Variants in ADGRL2 observed in about 807,000 individuals in gnomAD.
The protein encoded by ADGRL2 is adhesion G protein-coupled receptor L2.
ADGRL2 carries 44 observed loss-of-function variants against 157.4 expected under a neutral mutation model. The observed-to-expected ratio is 0.28, with a 90% confidence interval of 0.22 to 0.36. ADGRL2 has a LOEUF of 0.36. Ranked by LOEUF, ADGRL2 falls within the 10% of genes least tolerant of loss-of-function variation. The probability of loss-of-function intolerance (pLI) is 1.00; values close to 1 mark genes in which losing one functional copy is unlikely to be tolerated. For missense variants in ADGRL2, 1,510 were observed against 1,768.9 expected, an observed-to-expected ratio of 0.85 and a Z score of 2.63; for synonymous variants, 585 against 624.7, an observed-to-expected ratio of 0.94 and a Z score of 0.95.
intron 1 of ADGRL2, among the ~76,000 whole-genome samples, chr1:81,402,179 T>C (rs1301771020): frequency 6.6e-6 from 1 of 152,206 alleles, no homozygotes; most frequent in Non-Finnish European, 1.5e-5. Flanking sequence ...TATCTCCCTA[T>C]ACTGTGGGGT....
intron 3 of ADGRL2, among the ~76,000 whole-genome samples, chr1:81,598,121 C>T (rs981734336): frequency 6.6e-6 from 1 of 152,108 alleles, no homozygotes. Context: ...AGAAAAAAGT[C>T]CTCACTCCCA....
chr1:81,560,501 C>A (rs1024996270), intron 2 of ADGRL2, among the ~76,000 whole-genome samples: 1 of 152,118 alleles, frequency 6.6e-6, no homozygotes, highest in Non-Finnish European at 1.5e-5. Context: ...TAGGCAACAG[C>A]CTCTATTTTT....
At chr1:81,720,563 A>G (rs935968161) in intron 1 of ADGRL2, among the ~76,000 whole-genome samples, 2 of 152,138 alleles carry the variant, frequency 1.3e-5, no homozygotes, top group Non-Finnish European at 2.9e-5. Flanking sequence ...CCATCAAACT[A>G]GTTCACAGGA....
chr1:81,669,754 A>G (rs912982029), intron 3 of ADGRL2, among the ~76,000 whole-genome samples: 2 of 152,014 alleles, frequency 1.3e-5, no homozygotes, highest in African/African-American at 2.4e-5. Flanking sequence ...CATCCTGGCT[A>G]ACACGGTGAA....
intron 2 of ADGRL2, among the ~76,000 whole-genome samples, chr1:81,777,938 C>A (rs1395876978): frequency 6.6e-6 from 1 of 152,088 alleles, no homozygotes. Context: ...CTGTGGTATA[C>A]CCCTTGAAAA....
intron 2 of ADGRL2, among the ~76,000 whole-genome samples, chr1:81,491,288 G>T (rs1018471407): frequency 3.3e-5 from 5 of 152,118 alleles, no homozygotes; most frequent in African/African-American, 4.8e-5. Context: ...TATTACATTT[G>T]GGAGAACAGT....
intron 1 of ADGRL2, among the ~76,000 whole-genome samples, chr1:81,356,882 G>A (rs1366813517): frequency 1.4e-5 from 2 of 140,944 alleles, no homozygotes; most frequent in Non-Finnish European, 3.0e-5. Flanking sequence ...GAACCCGGGA[G>A]GCGGAGCTTG....
At position 81,725,539 on chromosome 1, in the gene ADGRL2, A is replaced by AAAATAAAT. The variant is rs369835378; in HGVS notation, c.-143+25755_-143+25762dup. On this transcript the variant is annotated intron_variant, in intron 1 of 20. Coordinates refer to the ADGRL2 transcript ENST00000359929. Reference sequence around the variant, plus strand: ...GGGTGACACTGTGAGACTCTGTCTCAAAATAAATAAATAAATAAATAAATA... The same window carrying AAAATAAAT: ...GGGTGACACTGTGAGACTCTGTCTCAAAATAAATAAATAAATAAATAAATAAATAAATA... Among the ~76,000 whole-genome samples the AAAATAAAT allele has an allele frequency of 5.4e-4, 82 of 151,560 alleles. 1 individual carries two copies. Among genetic ancestry groups the AAAATAAAT allele is most frequent in the African/African-American group, 1.6e-3 (68 of 41,250 alleles).
chr1:81,792,772 A>C (rs1258238840), intron 2 of ADGRL2, among the ~76,000 whole-genome samples: 2 of 152,116 alleles, frequency 1.3e-5, no homozygotes, highest in Non-Finnish European at 2.9e-5. Flanking sequence ...TATTTAACAT[A>C]AAGTGTTTGT....
intron 1 of ADGRL2, among the ~76,000 whole-genome samples, chr1:81,375,943 C>T (rs12076481): frequency 0.016 from 2,421 of 151,958 alleles, 63 homozygotes; most frequent in African/African-American, 0.055. Context: ...TACCCATATT[C>T]GGTCTTATAC....
chr1:81,602,389 T>G (rs1324004911), intron 3 of ADGRL2, among the ~76,000 whole-genome samples: 2 of 151,676 alleles, frequency 1.3e-5, no homozygotes, highest in Non-Finnish European at 2.9e-5. Flanking sequence ...GGTCAGGAGT[T>G]CAAGACCCAC....
intron 21 of ADGRL2, among the ~76,000 whole-genome samples, chr1:81,986,592 C>T (rs1212863050): frequency 6.6e-6 from 1 of 151,988 alleles, no homozygotes; most frequent in Admixed American, 6.6e-5. Context: ...ATGTTGATCT[C>T]TATGCATTTA....
intron 2 of ADGRL2, among the ~76,000 whole-genome samples, chr1:81,559,745 G>A (rs560610234): frequency 3.1e-4 from 47 of 152,262 alleles, no homozygotes; most frequent in Middle Eastern, 3.4e-3. Context: ...TCTCTAGGGA[G>A]TAATGTTTGA....
intron 3 of ADGRL2, among the ~76,000 whole-genome samples, chr1:81,619,839 T>C (rs961000227): frequency 5.3e-5 from 8 of 152,028 alleles, no homozygotes; most frequent in Non-Finnish European, 1.0e-4. Context: ...GGAAACAGAC[T>C]CTGGAGTCAG....
intron 3 of ADGRL2, among the ~76,000 whole-genome samples, chr1:81,676,203 G>A (rs947694348): frequency 4.0e-4 from 61 of 151,992 alleles, no homozygotes; most frequent in African/African-American, 1.4e-3. Context: ...TAGAGATGAG[G>A]TTTCACCATA....
chr1:81,621,211 C>G, intron 3 of ADGRL2, among the ~76,000 whole-genome samples: 1 of 152,092 alleles, frequency 6.6e-6, no homozygotes, highest in Non-Finnish European at 1.5e-5. Flanking sequence ...TAAAGTCTGT[C>G]TTCCTTGCTT....
At chr1:81,588,045 A>C (rs1039508222) in intron 3 of ADGRL2, among the ~76,000 whole-genome samples, 3 of 152,132 alleles carry the variant, frequency 2.0e-5, no homozygotes, top group African/African-American at 7.2e-5. Context: ...TGATTTACAA[A>C]GGGAGTGCTC....
At chr1:81,700,790 T>C (rs547088345) in intron 1 of ADGRL2, among the ~76,000 whole-genome samples, 2 of 152,324 alleles carry the variant, frequency 1.3e-5, no homozygotes, top group East Asian at 1.9e-4. Context: ...GGATTCACAA[T>C]TGTCGAACAT....
At chr1:81,462,850 C>T (rs1229742654) in intron 2 of ADGRL2, among the ~76,000 whole-genome samples, 1 of 152,060 alleles carries the variant, frequency 6.6e-6, no homozygotes, top group East Asian at 1.9e-4. Flanking sequence ...GGCAGTGGCT[C>T]ATGCCTATAA....
Sources: gnomAD v4.1 joint callset for allele counts (sites outside exome capture counted in the v4.1 genomes callset) on GRCh38, gnomAD v4.1.1 for gene constraint, MANE v1.5 for transcripts, NCBI Gene and HGNC (gene_info 2026-07-23, HGNC 2026-07-21) for gene names.